Variants in MEP1A observed in about 807,000 individuals in gnomAD.
The protein encoded by MEP1A is N-benzoyl-L-tyrosyl-P-amino-benzoic acid hydrolase subunit alpha.
In MEP1A, 68 loss-of-function variants were observed where a neutral mutation model predicts 84.5. That is an observed-to-expected ratio of 0.80 (90% CI 0.66 to 0.98). The LOEUF (loss-of-function observed/expected upper bound fraction) is 0.98. Ranked by LOEUF, MEP1A falls within the 50% of genes least tolerant of loss-of-function variation. The pLI, the probability that MEP1A is intolerant of heterozygous loss-of-function variation, is 0.00. For synonymous variants in MEP1A, 337 were observed against 336.8 expected, an observed-to-expected ratio of 1.00 and a Z score of -0.01; for missense variants, 887 against 919.9, an observed-to-expected ratio of 0.96 and a Z score of 0.46.
In MEP1A at chr6:46,826,483, C is replaced by A. The variant is rs1422930785; in HGVS notation, c.908C>A (p.Thr303Asn). ...DSAQAGEVDH[T>N]LLGQCTGAGY... ...GCTCAGGCTGGAGAAGTGGATCACA[C>A]CTTGTTGGGACAATGCACAGGTCAG... The change falls in exon 9 of 14, where the codon ACC becomes AAC. Residue 303 changes from threonine to asparagine, a missense_variant. By Grantham distance (65) the Thr-to-Asn change is moderately conservative. Transcript: ENST00000230588. The A allele has an allele frequency of 4.4e-6, 7 of 1,592,320 alleles. No homozygotes were observed. Among genetic ancestry groups the A allele is most frequent in the Non-Finnish European group, 6.0e-6 (7 of 1,169,066 alleles).
intron 9 of MEP1A, among the ~76,000 whole-genome samples, chr6:46,828,171 A>G (rs1362621837): frequency 2.0e-5 from 3 of 152,086 alleles, no homozygotes; most frequent in Admixed American, 6.5e-5. Context: ...TTCATGCTTC[A>G]TAATACACCT....
intron 7 of MEP1A, among the ~76,000 whole-genome samples, chr6:46,823,672 C>T (rs1303068114): frequency 1.3e-5 from 2 of 152,058 alleles, no homozygotes; most frequent in South Asian, 2.1e-4. Flanking sequence ...AAGGAGAATA[C>T]GAGGATGGGA....
At chr6:46,844,008 T>G (rs1768376303), downstream of MEP1A, among the ~76,000 whole-genome samples, 1 of 152,238 alleles carries the variant, frequency 6.6e-6, no homozygotes, top group Non-Finnish European at 1.5e-5. Flanking sequence ...TGTAAAGTTC[T>G]TTTTTACTTG....
intron 6 of MEP1A, among the ~76,000 whole-genome samples, chr6:46,817,580 T>C (rs1431193105): frequency 6.6e-6 from 1 of 152,326 alleles, no homozygotes; most frequent in Non-Finnish European, 1.5e-5. Flanking sequence ...AACAATTAAC[T>C]TTATTAACAA....
chr6:46,844,037 A>G (rs930037663), downstream of MEP1A, among the ~76,000 whole-genome samples: 1 of 152,226 alleles, frequency 6.6e-6, no homozygotes, highest in Non-Finnish European at 1.5e-5. Context: ...TATTAGGTAT[A>G]TCAGTTTTAT....
chr6:46,836,924 T>C (rs1325457443), intron 13 of MEP1A, among the ~76,000 whole-genome samples: 2 of 152,106 alleles, frequency 1.3e-5, no homozygotes, highest in African/African-American at 4.8e-5. Flanking sequence ...TGCCTATACA[T>C]GTCATTACTG....
chr6:46,793,390 C>A lies in MEP1A; in HGVS notation c.-9C>A. The A allele has an allele frequency of 6.3e-7, 1 of 1,575,944 alleles. No homozygotes were observed. Among genetic ancestry groups the A allele is most frequent in the Non-Finnish European group, 8.6e-7 (1 of 1,168,120 alleles). ...CAAGGTGTGTGCTAAAATCAGCTCA[C>A]TTGCAGCAATGGCTTGGATTAGATC... On this transcript the variant is annotated 5_prime_UTR_variant, in exon 1 of 14. Coordinates refer to ENST00000230588, the MANE Select transcript of MEP1A (RefSeq NM_005588.3).
In MEP1A at chr6:46,819,574, C is replaced by A; in HGVS notation, c.426C>A (p.Ser142=). The change falls in exon 7 of 14, where the codon TCC becomes TCA. Residue 142 remains serine, a synonymous_variant. Coordinates refer to ENST00000230588, the MANE Select transcript of MEP1A (RefSeq NM_005588.3). ...ACCAACATGTGGGACAGAACATTTCCATTGGCCAAGGATGTGCCTATAAGG... is the reference window on the plus strand; with the variant it reads ...ACCAACATGTGGGACAGAACATTTCAATTGGCCAAGGATGTGCCTATAAGG... ...VGDQHVGQNI[S]IGQGCAYKAI... is the part of the protein sequence containing the mutation. The A allele has an allele frequency of 1.2e-6, 2 of 1,613,930 alleles. No individual in the cohort carries two copies.
rs182496835 is a variant in MEP1A, at chr6:46,805,450, T to C, written c.263-3970T>C. ...GTTACTCATTGGTCATTTGTATATCTTCCCTTATAAAATATCTGCTCTGTT... is the reference window on the plus strand; with the variant it reads ...GTTACTCATTGGTCATTTGTATATCCTCCCTTATAAAATATCTGCTCTGTT... On this transcript the variant is annotated intron_variant, in intron 5 of 13. Coordinates refer to ENST00000230588, the MANE Select transcript of MEP1A (RefSeq NM_005588.3). Among the ~76,000 whole-genome samples the C allele has an allele frequency of 4.2e-4, 64 of 152,128 alleles. 1 individual carries two copies. The highest frequency in any genetic ancestry group is 1.5e-3 in the African/African-American group (63 of 41,564).
At chr6:46,816,898 G>A (rs1235993084) in intron 6 of MEP1A, among the ~76,000 whole-genome samples, 1 of 152,186 alleles carries the variant, frequency 6.6e-6, no homozygotes, top group Non-Finnish European at 1.5e-5. Context: ...GTGAGCAGGA[G>A]CCTGGTGATG....
chr6:46,804,886 A>G (rs1242040704), intron 5 of MEP1A, among the ~76,000 whole-genome samples: 1 of 150,968 alleles, frequency 6.6e-6, no homozygotes, highest in Non-Finnish European at 1.5e-5. Flanking sequence ...TTTTTTCTTC[A>G]TAGGTGAATT....
chr6:46,843,643 T>C (rs1768370638), downstream of MEP1A, among the ~76,000 whole-genome samples: 1 of 152,208 alleles, frequency 6.6e-6, no homozygotes, highest in African/African-American at 2.4e-5. Flanking sequence ...GCATACTATT[T>C]AACCTCCCCC....
At chr6:46,840,025 T>C (rs1309176989), downstream of MEP1A, among the ~76,000 whole-genome samples, 12 of 143,100 alleles carry the variant, frequency 8.4e-5, no homozygotes, top group Non-Finnish European at 1.5e-4. Context: ...AGTTCCAAGA[T>C]AGAGCAAGTG....
chr6:46,818,074 C>T (rs944427566), intron 6 of MEP1A, among the ~76,000 whole-genome samples: 2 of 152,146 alleles, frequency 1.3e-5, no homozygotes, highest in Non-Finnish European at 2.9e-5. Flanking sequence ...ATAATAAATG[C>T]TTTCTCTGAG....
At position 46,815,402 on chromosome 6, in the gene MEP1A, C is replaced by T. The variant is rs902993666; in HGVS notation, c.381-4127C>T. Among the ~76,000 whole-genome samples, 5 of 152,330 alleles carry T rather than the reference C, an allele frequency of 3.3e-5. 1 individual carries two copies. In the South Asian group the frequency reaches 6.2e-4, roughly 19 times the overall value. ...CTGCAGCCACAGGCCTCACCCTGCT[C>T]CCATGCAGCCCGCAGTCCTAAAGGC... On this transcript the variant is annotated intron_variant, in intron 6 of 13. Coordinates refer to ENST00000230588, the MANE Select transcript of MEP1A (RefSeq NM_005588.3).
At chr6:46,814,648 T>C (rs193075249) in intron 6 of MEP1A, among the ~76,000 whole-genome samples, 11 of 152,282 alleles carry the variant, frequency 7.2e-5, no homozygotes, top group Non-Finnish European at 1.2e-4. Flanking sequence ...CAGAATTGTT[T>C]TTCTGGTCCC....
rs757873545 is a variant in MEP1A at position 46,793,392 on chromosome 6, T to C, written c.-7T>C. The C allele has an allele frequency of 6.3e-7, 1 of 1,576,866 alleles. No homozygotes were observed. Among genetic ancestry groups the C allele is most frequent in the East Asian group, 2.3e-5 (1 of 44,418 alleles). ...AGGTGTGTGCTAAAATCAGCTCACT[T>C]GCAGCAATGGCTTGGATTAGATCCA... On this transcript the variant is annotated 5_prime_UTR_variant, in exon 1 of 14. Coordinates refer to ENST00000230588, the MANE Select transcript of MEP1A (RefSeq NM_005588.3).
intron 13 of MEP1A, among the ~76,000 whole-genome samples, chr6:46,836,354 G>C (rs780385420): frequency 6.6e-6 from 1 of 152,230 alleles, no homozygotes; most frequent in Non-Finnish European, 1.5e-5. Context: ...AACAGTAGCA[G>C]ATGTAGAAGC....
chr6:46,801,424 C>T (rs932998546), intron 5 of MEP1A, among the ~76,000 whole-genome samples: 3 of 151,990 alleles, frequency 2.0e-5, no homozygotes, highest in African/African-American at 4.8e-5. Flanking sequence ...TCTTCTTTTA[C>T]GAGGGTCTGT....
Sources: gnomAD v4.1 joint callset for allele counts (sites outside exome capture counted in the v4.1 genomes callset) on GRCh38, gnomAD v4.1.1 for gene constraint, MANE v1.5 for transcripts, NCBI Gene and HGNC (gene_info 2026-07-23, HGNC 2026-07-21) for gene names.